NAV3: variants seen among roughly 807,000 people sequenced by gnomAD.
NAV3 encodes neuron navigator 3.
A neutral mutation model predicts 244.7 loss-of-function variants in NAV3; 87 were observed. The observed-to-expected ratio is 0.36, with a 90% confidence interval of 0.30 to 0.42. The LOEUF (loss-of-function observed/expected upper bound fraction) is 0.42, where lower values mean the gene tolerates loss of function less well. Ranked by LOEUF, NAV3 falls within the 20% of genes least tolerant of loss-of-function variation. NAV3 has a pLI of 1.00. For missense variants in NAV3, 2,663 were observed against 2,893.3 expected, an observed-to-expected ratio of 0.92 and a Z score of 1.83; for synonymous variants, 1,126 against 1,042.2, an observed-to-expected ratio of 1.08 and a Z score of -1.55.
At chr12:78,012,180 A>C (rs924107550) in intron 8 of NAV3, among the ~76,000 whole-genome samples, 6 of 152,066 alleles carry the variant, frequency 3.9e-5, no homozygotes, top group African/African-American at 1.4e-4. Flanking sequence ...CCATACATCA[A>C]ATTTTCAGCT....
chr12:77,736,280 C>G (rs149453558), intron 2 of NAV3, among the ~76,000 whole-genome samples: 6 of 152,168 alleles, frequency 3.9e-5, no homozygotes, highest in African/African-American at 7.2e-5. Context: ...ATACAAAAAC[C>G]CTTTCCGGAG....
chr12:77,953,652 G>A (rs900244726), intron 3 of NAV3, among the ~76,000 whole-genome samples: 7 of 152,110 alleles, frequency 4.6e-5, no homozygotes, highest in Non-Finnish European at 1.0e-4. Flanking sequence ...CATTTGAGAT[G>A]GGAAAGGAAA....
chr12:77,733,626 C>T (rs551403813), intron 2 of NAV3, among the ~76,000 whole-genome samples: 90 of 151,854 alleles, frequency 5.9e-4, no homozygotes, highest in African/African-American at 2.0e-3. Flanking sequence ...GTTATGATTT[C>T]GGGGAAAAAG....
At chr12:78,064,584 T>C (rs2137510601) in intron 12 of NAV3, among the ~76,000 whole-genome samples, 1 of 152,172 alleles carries the variant, frequency 6.6e-6, no homozygotes, top group Non-Finnish European at 1.5e-5. Context: ...TCTGTAAAAG[T>C]CCTGTTTCCA....
At chr12:77,977,730 A>G (rs562928238) in intron 5 of NAV3, among the ~76,000 whole-genome samples, 1 of 151,328 alleles carries the variant, frequency 6.6e-6, no homozygotes, top group South Asian at 2.1e-4. Context: ...ACACACACAC[A>G]CACACACACA....
chr12:77,709,966 T>G (rs986602150), intron 2 of NAV3, among the ~76,000 whole-genome samples: 6 of 152,198 alleles, frequency 3.9e-5, no homozygotes, highest in African/African-American at 1.4e-4. Flanking sequence ...TGAGCTATTA[T>G]GGAATCATAA....
At chr12:78,122,461 C>T (rs1308653914) in intron 16 of NAV3, 33 bp downstream of exon 16, 2 of 1,542,106 alleles carry the variant, frequency 1.3e-6, no homozygotes, top group Admixed American at 1.9e-5. Flanking sequence ...ATAACATCTT[C>T]CCCCTCTTCC....
chr12:78,165,080 A>AAAAG (rs1957722218), intron 23 of NAV3, among the ~76,000 whole-genome samples: 1 of 152,072 alleles, frequency 6.6e-6, no homozygotes, highest in East Asian at 1.9e-4. Flanking sequence ...TAAAACTGTG[A>AAAAG]AAAGAGACAT....
intron 2 of NAV3, among the ~76,000 whole-genome samples, chr12:77,715,256 A>ACCTTTATTTT (rs1417272722): frequency 6.6e-6 from 1 of 151,924 alleles, no homozygotes; most frequent in Non-Finnish European, 1.5e-5. Context: ...TGAAAATGAC[A>ACCTTTATTTT]CCTTTAGTTA....
Position 77,748,656 on chromosome 12 carries a change from T to C in NAV3, c.72+176390T>C, listed in dbSNP as rs141444277. On this transcript the variant is annotated intron_variant, in intron 2 of 8. Coordinates refer to the NAV3 transcript ENST00000550042. ...CAGGCAGGAAAAGACAAACACTGAA[T>C]AATCTCACTTAGATGTGGGGTCTAC... 2.3e-3 allele frequency among the ~76,000 whole-genome samples: 351 copies of C among 152,290 alleles called. 2 individuals carry two copies. Among genetic ancestry groups the C allele is most frequent in the African/African-American group, 8.0e-3 (333 of 41,560 alleles).
At chr12:78,121,258 C>G (rs553317890) in intron 15 of NAV3, among the ~76,000 whole-genome samples, 4 of 152,174 alleles carry the variant, frequency 2.6e-5, no homozygotes, top group Admixed American at 2.0e-4. Context: ...CTGAACTAAA[C>G]TCCAAAATCT....
intron 12 of NAV3, among the ~76,000 whole-genome samples, chr12:78,085,840 A>G (rs1015988244): frequency 3.9e-5 from 6 of 152,114 alleles, no homozygotes; most frequent in Non-Finnish European, 7.4e-5. Context: ...GCTGGTTAGC[A>G]AACTCAAATG....
chr12:78,111,286 A>G (rs948515721), intron 12 of NAV3, among the ~76,000 whole-genome samples: 1 of 152,100 alleles, frequency 6.6e-6, no homozygotes, highest in African/African-American at 2.4e-5. Context: ...ATTCACTGAC[A>G]ATGTTAACTC....
chr12:77,984,470 C>G (rs1870116271), intron 5 of NAV3, among the ~76,000 whole-genome samples: 1 of 121,850 alleles, frequency 8.2e-6, no homozygotes, highest in African/African-American at 3.2e-5. Context: ...CAGAGACTGT[C>G]AAGTATGCAT....
intron 2 of NAV3, among the ~76,000 whole-genome samples, chr12:77,802,715 T>G (rs1003877957): frequency 1.3e-5 from 2 of 151,880 alleles, no homozygotes; most frequent in Admixed American, 6.6e-5. Context: ...CAGGCTGGAG[T>G]GTAGTGGCTT....
chr12:77,816,592 T>G (rs2136016633), intron 2 of NAV3, among the ~76,000 whole-genome samples: 1 of 152,326 alleles, frequency 6.6e-6, no homozygotes, highest in East Asian at 1.9e-4. Flanking sequence ...GGTGCTTGGT[T>G]GTGAACTCCA....
upstream of NAV3, among the ~76,000 whole-genome samples, chr12:77,828,199 C>T (rs573458921): frequency 4.1e-4 from 63 of 152,106 alleles, 1 homozygote; most frequent in South Asian, 0.013. Context: ...GAGTATAATC[C>T]GTTATAAAAG....
At chr12:77,892,501 C>T (rs1018321364) in intron 1 of NAV3, among the ~76,000 whole-genome samples, 7 of 151,868 alleles carry the variant, frequency 4.6e-5, no homozygotes, top group African/African-American at 1.2e-4. Flanking sequence ...CTGCAGTCTC[C>T]GCCTCCTGTG....
At chr12:77,766,723 A>G (rs1356370833) in intron 2 of NAV3, among the ~76,000 whole-genome samples, 4 of 129,280 alleles carry the variant, frequency 3.1e-5, no homozygotes, top group African/African-American at 1.1e-4. Flanking sequence ...ATTCTAAAAA[A>G]CAGGCAATTA....
Sources: gnomAD v4.1 joint callset for allele counts (sites outside exome capture counted in the v4.1 genomes callset) on GRCh38, gnomAD v4.1.1 for gene constraint, MANE v1.5 for transcripts, NCBI Gene and HGNC (gene_info 2026-07-23, HGNC 2026-07-21) for gene names.